Variants in MICAL2 observed in about 807,000 individuals in gnomAD.
MICAL2 encodes the protein [F-actin]-monooxygenase MICAL2.
MICAL2 carries 77 observed loss-of-function variants against 127.3 expected under a neutral mutation model. That is an observed-to-expected ratio of 0.60 (90% CI 0.50 to 0.73). The LOEUF is 0.73. Ranked by LOEUF, MICAL2 falls within the 30% of genes least tolerant of loss-of-function variation. The pLI is 0.00. For missense variants in MICAL2, 1,351 were observed against 1,434.4 expected, an observed-to-expected ratio of 0.94 and a Z score of 0.94; for synonymous variants, 570 against 551.1, an observed-to-expected ratio of 1.03 and a Z score of -0.48.
chr11:12,311,025 A>G (rs948879320), intron 29 of MICAL2, among the ~76,000 whole-genome samples: 1 of 152,120 alleles, frequency 6.6e-6, no homozygotes, highest in East Asian at 1.9e-4. Context: ...CAATTTTTAT[A>G]TATTGATTTT....
At chr11:12,277,116 T>C (rs767314645) in intron 1 of MICAL2, among the ~76,000 whole-genome samples, 24 of 151,934 alleles carry the variant, frequency 1.6e-4, no homozygotes, top group Non-Finnish European at 3.4e-4. Context: ...AGCTGGGCAG[T>C]TGTGGTCTTG....
At chr11:12,126,136 A>G (rs1476519299) in intron 1 of MICAL2, among the ~76,000 whole-genome samples, 1 of 152,238 alleles carries the variant, frequency 6.6e-6, no homozygotes, top group African/African-American at 2.4e-5. Context: ...CTCAGAAGTC[A>G]TGTGGGATTT....
At chr11:12,129,856 C>T (rs147533401) in intron 1 of MICAL2, among the ~76,000 whole-genome samples, 139 of 151,958 alleles carry the variant, frequency 9.1e-4, no homozygotes, top group African/African-American at 3.2e-3. Flanking sequence ...TTCAGGTGCA[C>T]GCCACCATGC....
chr11:12,303,085 A>C (rs576407780), intron 29 of MICAL2, among the ~76,000 whole-genome samples: 1 of 152,076 alleles, frequency 6.6e-6, no homozygotes, highest in South Asian at 2.1e-4. Context: ...TGTGAGACTC[A>C]CTCACTATCA....
chr11:12,150,879 T>G (rs562767572), intron 2 of MICAL2, among the ~76,000 whole-genome samples: 5 of 152,264 alleles, frequency 3.3e-5, no homozygotes, highest in South Asian at 2.1e-4. Flanking sequence ...CATTTCTGCC[T>G]CGGTTTGGTT....
At chr11:12,249,374 A>G in intron 22 of MICAL2, 128 bp downstream of exon 22, 1 of 631,852 alleles carries the variant, frequency 1.6e-6, no homozygotes, top group Non-Finnish European at 2.9e-6. Context: ...CCAGGGGACG[A>G]AGGTGGGCAG....
chr11:12,323,915 TA>T (rs1197118770), intron 30 of MICAL2: 3 of 1,546,294 alleles, frequency 1.9e-6, no homozygotes, highest in Non-Finnish European at 2.6e-6. Context: ...CCTATAACGA[TA>T]TTTTGTAAAT....
At chr11:12,171,614 GGTTGTTC>G (rs534378435) in intron 3 of MICAL2, among the ~76,000 whole-genome samples, 56 of 152,302 alleles carry the variant, frequency 3.7e-4, no homozygotes, top group Non-Finnish European at 6.2e-4. Flanking sequence ...CTGATTCTCA[GGTTGTTC>G]TCCTGCGCTG....
At chr11:12,270,023 C>G (rs1003738495) in intron 24 of MICAL2, among the ~76,000 whole-genome samples, 4 of 152,238 alleles carry the variant, frequency 2.6e-5, no homozygotes, top group Non-Finnish European at 4.4e-5. Context: ...TGAGGGCAGC[C>G]AGCCCATCTT....
chr11:12,225,052 T>C (rs1377946486), intron 13 of MICAL2, among the ~76,000 whole-genome samples: 1 of 152,096 alleles, frequency 6.6e-6, no homozygotes, highest in Non-Finnish European at 1.5e-5. Context: ...ATGGCACTCT[T>C]GACACCTCAC....
rs568023310 is a variant in MICAL2 at position 12,119,021 on chromosome 11, C to T, written c.-149+8295C>T. 4.6e-5 allele frequency among the ~76,000 whole-genome samples: 7 copies of T among 152,270 alleles called. No homozygotes were observed. In the South Asian group the frequency reaches 1.5e-3, roughly 32 times the overall value. ...AGGCAGCCAGTTCTCCATTTTCTAC[C>T]AAGTTGAGTTGGCCCCACTACTTCC... is the stretch of plus-strand genomic sequence containing the variant. On this transcript the variant is annotated intron_variant, in intron 1 of 27. Transcript: ENST00000683283.
intron 1 of MICAL2, among the ~76,000 whole-genome samples, chr11:12,130,283 TG>T (rs145489622): frequency 0.07 from 10,721 of 152,250 alleles, 510 homozygotes; most frequent in Non-Finnish European, 0.1. Context: ...TGAGGGACCC[TG>T]CAACTGAAGG....
intron 8 of MICAL2, among the ~76,000 whole-genome samples, chr11:12,219,528 C>CAAAAAA (rs11316414): frequency 2.1e-5 from 1 of 48,628 alleles, no homozygotes; most frequent in African/African-American, 8.1e-5. Flanking sequence ...AACTCCATCT[C>CAAAAAA]AAAAAAAAAA....
intron 3 of MICAL2, among the ~76,000 whole-genome samples, chr11:12,203,212 G>A (rs1490145589): frequency 5.3e-5 from 8 of 152,140 alleles, no homozygotes; most frequent in Admixed American, 1.3e-4. Flanking sequence ...GAATGACGCC[G>A]CCATGAACAT....
intron 1 of MICAL2, among the ~76,000 whole-genome samples, chr11:12,115,881 G>A (rs555683032): frequency 2.6e-5 from 4 of 152,058 alleles, no homozygotes; most frequent in African/African-American, 7.2e-5. Context: ...TAAAGCCCCA[G>A]CACTATTGGG....
At chr11:12,170,454 A>T (rs1297024417) in intron 3 of MICAL2, among the ~76,000 whole-genome samples, 4 of 152,168 alleles carry the variant, frequency 2.6e-5, no homozygotes, top group African/African-American at 9.7e-5. Context: ...ATCTCAAAAA[A>T]ATAAAAATAA....
intron 2 of MICAL2, among the ~76,000 whole-genome samples, chr11:12,285,258 C>T (rs1391276723): frequency 6.6e-6 from 1 of 152,072 alleles, no homozygotes; most frequent in Non-Finnish European, 1.5e-5. Context: ...GCAGAGTCTG[C>T]AAAATATCCC....
chr11:12,325,093 AGTT>A (rs775325307), intron 31 of MICAL2, among the ~76,000 whole-genome samples: 1 of 151,824 alleles, frequency 6.6e-6, no homozygotes, highest in East Asian at 1.9e-4. Flanking sequence ...TTTCATCCTT[AGTT>A]GTTGTTTTTT....
intron 21 of MICAL2, among the ~76,000 whole-genome samples, chr11:12,246,622 A>C (rs1336024494): frequency 6.6e-6 from 1 of 152,148 alleles, no homozygotes; most frequent in Non-Finnish European, 1.5e-5. Context: ...TTTTTTGGAG[A>C]CAGGGTCTCT....
Sources: allele counts gnomAD v4.1 joint callset (sites outside exome capture counted in the v4.1 genomes callset), GRCh38; gene constraint gnomAD v4.1.1; transcripts MANE v1.5; gene names NCBI Gene and HGNC (gene_info 2026-07-23, HGNC 2026-07-21).